The following SOCS5 variants were observed in gnomAD, a reference collection of about 807,000 sequenced individuals.
SOCS5 encodes CIS-6.
A neutral mutation model predicts 42.8 loss-of-function variants in SOCS5; 32 were observed. The ratio of observed to expected loss-of-function variants is 0.75; its 90% CI spans 0.56 to 1.01. The LOEUF (loss-of-function observed/expected upper bound fraction) is 1.01, where lower values mean the gene tolerates loss of function less well. SOCS5 is among the 50% of genes least tolerant of loss of function. SOCS5 has a pLI of 0.00. For missense variants in SOCS5, 627 were observed against 653.0 expected (o/e 0.96, Z 0.43); for synonymous variants, 283 against 229.6 (o/e 1.23, Z -2.10).
intron 1 of SOCS5, among the ~76,000 whole-genome samples, chr2:46,747,646 A>T (rs1673534118): frequency 6.6e-6 from 1 of 152,060 alleles, no homozygotes. Flanking sequence ...TCCTGTGGTC[A>T]TTGTACTTAC....
In SOCS5 at chr2:46,759,915, C is replaced by G. The variant is rs1328145841; in HGVS notation, c.1385C>G (p.Pro462Arg). The part of the protein sequence containing the change: ...VTGLLEHYKD[P>R]SSCMFFEPLL... Reference sequence around the variant, plus strand: ...GGACTTTTAGAACATTATAAAGATCCCAGTTCGTGCATGTTTTTTGAACCA... The same window carrying G: ...GGACTTTTAGAACATTATAAAGATCGCAGTTCGTGCATGTTTTTTGAACCA... The change falls in exon 2 of 2, where the codon CCC (proline) becomes CGC (arginine). Residue 462 changes from proline (P) to arginine (R), a missense_variant. Transcript: ENST00000394861. 2 of 1,614,070 alleles carry G rather than the reference C, an allele frequency of 1.2e-6. No individual in the cohort carries two copies. Among genetic ancestry groups the G allele is most frequent in the East Asian group, 4.5e-5 (2 of 44,878 alleles).
chr2:46,733,280 A>G (rs945719190), intron 1 of SOCS5, among the ~76,000 whole-genome samples: 2 of 152,062 alleles, frequency 1.3e-5, no homozygotes, highest in Non-Finnish European at 2.9e-5. Context: ...TTTTTAGTAG[A>G]GATGGGGTTT....
intron 1 of SOCS5, among the ~76,000 whole-genome samples, chr2:46,719,738 A>G (rs550973454): frequency 4.0e-4 from 61 of 152,294 alleles, no homozygotes; most frequent in African/African-American, 1.4e-3. Context: ...AAAATTAATA[A>G]TTAAAAGTCA....
chr2:46,728,043 G>A lies in SOCS5; in HGVS notation c.-13+28594G>A, dbSNP rs892741591. 6.9e-4 allele frequency among the ~76,000 whole-genome samples: 105 copies of A among 152,070 alleles called. 1 individual carries two copies. The highest frequency in any genetic ancestry group is 1.5e-3 in the African/African-American group (62 of 41,404). ...CTCAGAGTTTTAGGTACCTGTGGGC[G>A]CCTAACTGTTAACTGCCAGGATCCT... On this transcript the variant is annotated intron_variant, in intron 1 of 1. Transcript: ENST00000394861.
Position 46,760,911 on chromosome 2 carries a change from G to A in SOCS5, c.*770G>A, listed in dbSNP as rs1205720767. On this transcript the variant is annotated 3_prime_UTR_variant, in exon 2 of 2. Coordinates refer to ENST00000394861, the MANE Select transcript of SOCS5 (RefSeq NM_144949.3). ...TGATTTTTTTTTAAGTTGATGTGCA[G>A]TCTAATTGTTGTTTCATAAAAGTTG... 6.0e-6 allele frequency: 1 copy of A among 167,056 alleles called. No individual in the cohort carries two copies. Among genetic ancestry groups the A allele is most frequent in the Non-Finnish European group, 1.5e-5 (1 of 68,116 alleles). 10.3% of individuals were successfully genotyped at this position (167,056 alleles called of 1,614,324 possible).
chr2:46,746,062 T>C (rs75766939), intron 1 of SOCS5, among the ~76,000 whole-genome samples: 4 of 151,538 alleles, frequency 2.6e-5, no homozygotes, highest in Non-Finnish European at 4.4e-5. Flanking sequence ...TTTTTTTTTT[T>C]CTCTGATGCT....
intron 1 of SOCS5, among the ~76,000 whole-genome samples, chr2:46,721,779 A>G (rs911432420): frequency 6.6e-6 from 1 of 152,116 alleles, no homozygotes; most frequent in Non-Finnish European, 1.5e-5. Context: ...CTGTGGGTTT[A>G]TCTTGGAGGA....
intron 1 of SOCS5, among the ~76,000 whole-genome samples, chr2:46,714,842 A>T (rs1672703262): frequency 6.6e-6 from 1 of 151,828 alleles, no homozygotes; most frequent in Non-Finnish European, 1.5e-5. Context: ...TGGATGGATT[A>T]TTTTTTATGA....
chr2:46,730,765 C>T (rs934324624), intron 1 of SOCS5, among the ~76,000 whole-genome samples: 1 of 152,180 alleles, frequency 6.6e-6, no homozygotes, highest in Non-Finnish European at 1.5e-5. Context: ...TTTCCGGAGT[C>T]TGCTTTATTA....
At chr2:46,715,387 A>G (rs1672716146) in intron 1 of SOCS5, among the ~76,000 whole-genome samples, 1 of 150,856 alleles carries the variant, frequency 6.6e-6, no homozygotes, top group Non-Finnish European at 1.5e-5. Context: ...AAAAAAAAAG[A>G]AAAGAAAAAA....
chr2:46,719,315 C>A (rs184539595), intron 1 of SOCS5, among the ~76,000 whole-genome samples: 1 of 152,280 alleles, frequency 6.6e-6, no homozygotes, highest in East Asian at 1.9e-4. Flanking sequence ...GAAAGGAACA[C>A]TTATTCTTAC....
At chr2:46,716,110 C>T (rs199591481) in intron 1 of SOCS5, among the ~76,000 whole-genome samples, 1 of 107,220 alleles carries the variant, frequency 9.3e-6, no homozygotes, top group African/African-American at 4.4e-5. Context: ...AGACACCCCC[C>T]CTTTTTTTTT....
At chr2:46,705,543 G>A (rs1672443383) in intron 1 of SOCS5, among the ~76,000 whole-genome samples, 1 of 152,214 alleles carries the variant, frequency 6.6e-6, no homozygotes, top group Non-Finnish European at 1.5e-5. Flanking sequence ...AGACAGGAAA[G>A]CGCCTGAAAT....
intron 1 of SOCS5, among the ~76,000 whole-genome samples, chr2:46,722,353 G>A (rs1043873207): frequency 3.3e-5 from 5 of 151,974 alleles, no homozygotes; most frequent in Non-Finnish European, 5.9e-5. Flanking sequence ...TGTCAACCAC[G>A]TCTCCAGAGT....
At chr2:46,723,797 G>T (rs570137222) in intron 1 of SOCS5, among the ~76,000 whole-genome samples, 1 of 152,028 alleles carries the variant, frequency 6.6e-6, no homozygotes, top group Non-Finnish European at 1.5e-5. Context: ...GTCTGTATCA[G>T]TGCAAAATAT....
At chr2:46,729,902 A>G (rs1673078636) in intron 1 of SOCS5, among the ~76,000 whole-genome samples, 1 of 152,240 alleles carries the variant, frequency 6.6e-6, no homozygotes, top group East Asian at 1.9e-4. Flanking sequence ...ACACAAACAT[A>G]TACAGCTGTA....
In SOCS5 at chr2:46,744,552, A is replaced by C. The variant is rs575276366; in HGVS notation, c.-12-13967A>C. 6.7e-5 allele frequency among the ~76,000 whole-genome samples: 10 copies of C among 148,278 alleles called. No individual in the cohort carries two copies. In the South Asian group the frequency reaches 2.1e-3, roughly 32 times the overall value. On this transcript the variant is annotated intron_variant, in intron 1 of 1. Coordinates refer to ENST00000394861, the MANE Select transcript of SOCS5 (RefSeq NM_144949.3). ...ACTTTTTTTTTTTTTCTTGAGATGG[A>C]GTTTTGCTCTTGTTGCCCAAGCTGG...
At chr2:46,713,097 T>C (rs1019917229) in intron 1 of SOCS5, among the ~76,000 whole-genome samples, 19 of 152,246 alleles carry the variant, frequency 1.2e-4, no homozygotes, top group African/African-American at 4.3e-4. Flanking sequence ...GGCTCATGCC[T>C]GTAATCCCAG....
intron 1 of SOCS5, among the ~76,000 whole-genome samples, chr2:46,711,634 T>C (rs1264761257): frequency 3.9e-5 from 6 of 152,230 alleles, no homozygotes; most frequent in Admixed American, 3.9e-4. Context: ...GTCTATTTTA[T>C]CAATATTTCC....
Sources: allele counts gnomAD v4.1 joint callset (sites outside exome capture counted in the v4.1 genomes callset), GRCh38; gene constraint gnomAD v4.1.1; transcripts MANE v1.5; gene names NCBI Gene and HGNC (gene_info 2026-07-23, HGNC 2026-07-21).